The following PHKB variants were observed in gnomAD, a reference collection of about 807,000 sequenced individuals.
PHKB encodes the protein phosphorylase b kinase regulatory subunit beta.
A neutral mutation model predicts 152.1 loss-of-function variants in PHKB; 122 were observed. That is an observed-to-expected ratio of 0.80 (90% CI 0.69 to 0.93). The LOEUF is 0.93. Among genes scored for constraint, PHKB ranks in the 40% least tolerant of loss-of-function variants. PHKB has a pLI of 0.00. For missense variants in PHKB, 1,304 were observed against 1,328.4 expected (o/e 0.98, Z 0.29); for synonymous variants, 436 against 464.9 (o/e 0.94, Z 0.80).
intron 13 of PHKB, among the ~76,000 whole-genome samples, chr16:47,601,529 C>A (rs1313330115): frequency 6.6e-6 from 1 of 151,838 alleles, no homozygotes. Flanking sequence ...CACAGTGAAA[C>A]CCCATCTCTA....
chr16:47,508,336 C>T (rs1383308739), intron 4 of PHKB, among the ~76,000 whole-genome samples: 2 of 152,154 alleles, frequency 1.3e-5, no homozygotes, highest in Non-Finnish European at 2.9e-5. Context: ...ATTCTGCCTA[C>T]AGAGAGGCAT....
At chr16:47,502,853 G>A (rs954424904) in intron 3 of PHKB, 138 bp from the exon 4 acceptor site, 1 of 672,494 alleles carries the variant, frequency 1.5e-6, no homozygotes. Flanking sequence ...TGGGAAAATG[G>A]AGTTTCACTG....
At chr16:47,512,201 A>G (rs909017716) in intron 5 of PHKB, among the ~76,000 whole-genome samples, 3 of 152,242 alleles carry the variant, frequency 2.0e-5, no homozygotes, top group Non-Finnish European at 2.9e-5. Context: ...TTTTCAAATT[A>G]CATTCTATAA....
chr16:47,465,454 G>A (rs1286652676), intron 1 of PHKB, among the ~76,000 whole-genome samples: 2 of 152,128 alleles, frequency 1.3e-5, no homozygotes, highest in African/African-American at 2.4e-5. Flanking sequence ...TATACAAGAC[G>A]CTTTTCCTGT....
chr16:47,577,888 C>T (rs1360923294), intron 7 of PHKB, among the ~76,000 whole-genome samples: 1 of 152,072 alleles, frequency 6.6e-6, no homozygotes, highest in Non-Finnish European at 1.5e-5. Flanking sequence ...AGGTTTATGG[C>T]TCTTGCTAAG....
At chr16:47,629,154 A>G (rs1354775414) in intron 14 of PHKB, among the ~76,000 whole-genome samples, 1 of 152,210 alleles carries the variant, frequency 6.6e-6, no homozygotes, top group Non-Finnish European at 1.5e-5. Flanking sequence ...AATGGCAACA[A>G]AAGCCAAAAT....
chr16:47,478,749 T>C (rs1164852016), intron 1 of PHKB, among the ~76,000 whole-genome samples: 5 of 152,170 alleles, frequency 3.3e-5, no homozygotes, highest in Non-Finnish European at 5.9e-5. Flanking sequence ...AATCATACTA[T>C]AATGATATTA....
At position 47,685,348 on chromosome 16, in the gene PHKB, C is replaced by A. The variant is rs570946105; in HGVS notation, c.2631-3693C>A. ...ACTTAGGCAGGAGAATCACTTTAAC[C>A]TGGGAGCCGGAGGTTGCGGTGAGCC... On this transcript the variant is annotated intron_variant, in intron 26 of 30. Transcript: ENST00000323584. Among the ~76,000 whole-genome samples the A allele has an allele frequency of 7.2e-5, 11 of 152,268 alleles. No homozygotes were observed. The East Asian group carries it at 9.7e-4, about 13-fold the overall frequency.
At chr16:47,539,985 G>C (rs909487908) in intron 6 of PHKB, among the ~76,000 whole-genome samples, 2 of 152,158 alleles carry the variant, frequency 1.3e-5, no homozygotes, top group Non-Finnish European at 2.9e-5. Context: ...AGGTCTGACT[G>C]TCTGCAGGGT....
intron 1 of PHKB, among the ~76,000 whole-genome samples, chr16:47,466,131 A>T (rs1969665155): frequency 6.6e-6 from 1 of 151,924 alleles, no homozygotes; most frequent in African/African-American, 2.4e-5. Context: ...TGCATACTTG[A>T]GTTGTGCTGT....
At chr16:47,680,067 A>G (rs560744389) in intron 26 of PHKB, among the ~76,000 whole-genome samples, 3 of 152,360 alleles carry the variant, frequency 2.0e-5, no homozygotes, top group Admixed American at 6.5e-5. Flanking sequence ...ATGCTGGATT[A>G]CATTTATTGA....
chr16:47,512,279 G>A lies in PHKB; in HGVS notation c.513+507G>A, dbSNP rs545572918. Among the ~76,000 whole-genome samples the A allele has an allele frequency of 7.9e-5, 12 of 152,330 alleles. No homozygotes were observed. The East Asian group carries it at 2.1e-3, about 27-fold the overall frequency. ...AGAAAGTGAAATGGCAGCCACCAGG[G>A]CTGAGTTAGTTGTGGCAATTGAACA... On this transcript the variant is annotated intron_variant, in intron 5 of 30. Transcript: ENST00000323584.
At chr16:47,635,771 T>C (rs1972908429) in intron 14 of PHKB, among the ~76,000 whole-genome samples, 1 of 152,224 alleles carries the variant, frequency 6.6e-6, no homozygotes, top group African/African-American at 2.4e-5. Flanking sequence ...TGGGTCTGAA[T>C]TCTAGCTCCG....
intron 16 of PHKB, among the ~76,000 whole-genome samples, chr16:47,647,051 C>A (rs992287972): frequency 2.0e-5 from 3 of 152,054 alleles, no homozygotes; most frequent in African/African-American, 7.2e-5. Flanking sequence ...CACTGTGGCA[C>A]CCTTCCCTAT....
intron 26 of PHKB, among the ~76,000 whole-genome samples, chr16:47,683,521 C>T (rs886186395): frequency 1.6e-4 from 25 of 152,160 alleles, no homozygotes; most frequent in Non-Finnish European, 3.2e-4. Context: ...GACTGCTGTG[C>T]TAGCAATCAG....
chr16:47,592,375 A>G (rs1447552027), intron 10 of PHKB, among the ~76,000 whole-genome samples: 1 of 152,178 alleles, frequency 6.6e-6, no homozygotes, highest in Non-Finnish European at 1.5e-5. Flanking sequence ...GGCCTGGCCC[A>G]TCTGTTGGGT....
chr16:47,658,809 AGTGTGTGTGTGTGTGTGTGT>A (rs36066227), intron 20 of PHKB, among the ~76,000 whole-genome samples: 10 of 140,742 alleles, frequency 7.1e-5, no homozygotes, highest in Non-Finnish European at 1.2e-4. Flanking sequence ...AATGCATGAC[AGTGTGTGTGTGTGTGTGTGT>A]GTGTGTGTGT....
In PHKB at chr16:47,539,685, G is replaced by A. The variant is rs547214839; in HGVS notation, c.595-7748G>A. ...TTGCAGGAAGTCAGGGACCCCGAACGGAGGGACTGGCTGGAGCCACGGCAG... is the reference window on the plus strand; with the variant it reads ...TTGCAGGAAGTCAGGGACCCCGAACAGAGGGACTGGCTGGAGCCACGGCAG... On this transcript the variant is annotated intron_variant, in intron 6 of 30. Transcript: ENST00000323584. 1.4e-4 allele frequency among the ~76,000 whole-genome samples: 21 copies of A among 152,222 alleles called. No individual in the cohort carries two copies. In the South Asian group the frequency reaches 1.7e-3, roughly 12 times the overall value.
At chr16:47,540,483 C>A (rs1433220624) in intron 6 of PHKB, among the ~76,000 whole-genome samples, 1 of 152,034 alleles carries the variant, frequency 6.6e-6, no homozygotes, top group East Asian at 1.9e-4. Flanking sequence ...CACCACCTCC[C>A]CTTTTGAAAT....
Sources: allele counts gnomAD v4.1 joint callset (sites outside exome capture counted in the v4.1 genomes callset), GRCh38; gene constraint gnomAD v4.1.1; transcripts MANE v1.5; gene names NCBI Gene and HGNC (gene_info 2026-07-23, HGNC 2026-07-21).